PARD3B: variants seen among roughly 807,000 people sequenced by gnomAD.
PARD3B encodes the protein par-3 family cell polarity regulator beta, also known as partitioning defective 3 homolog B.
In PARD3B, 103 loss-of-function variants were observed where a neutral mutation model predicts 130.2. That is an observed-to-expected ratio of 0.79 (90% CI 0.67 to 0.93). The LOEUF is 0.93. Among genes scored for constraint, PARD3B ranks in the 40% least tolerant of loss-of-function variants. The pLI, the probability that PARD3B is intolerant of heterozygous loss-of-function variation, is 0.00. For missense variants in PARD3B, 1,609 were observed against 1,499.2 expected (o/e 1.07, Z -1.21); for synonymous variants, 583 against 553.2 (o/e 1.05, Z -0.76).
Position 204,646,706 on chromosome 2 carries a change from G to A in PARD3B, c.121-39475G>A, listed in dbSNP as rs530207342. On this transcript the variant is annotated intron_variant, in intron 1 of 22. Transcript: ENST00000406610. ...ATGAGAATAGTTTTGCAAGTTAGTT[G>A]TGCCAGTTCATATTTCTATTATCAG... is the stretch of plus-strand genomic sequence containing the variant. Among the ~76,000 whole-genome samples the A allele has an allele frequency of 2.2e-4, 33 of 152,040 alleles. 3 individuals are homozygous for A. In the South Asian group the frequency reaches 6.8e-3, roughly 32 times the overall value.
At chr2:205,488,291 G>A (rs2049526812) in intron 20 of PARD3B, among the ~76,000 whole-genome samples, 1 of 151,974 alleles carries the variant, frequency 6.6e-6, no homozygotes, top group African/African-American at 2.4e-5. Flanking sequence ...GGGAACACAG[G>A]GCCAGGCACT....
intron 2 of PARD3B, among the ~76,000 whole-genome samples, chr2:204,750,733 G>A (rs986199485): frequency 2.0e-5 from 3 of 151,956 alleles, no homozygotes; most frequent in Non-Finnish European, 2.9e-5. Context: ...TTTTTCTAAA[G>A]GCAGATAAAT....
rs539768189 is a variant in PARD3B at position 204,755,088 on chromosome 2, A to T, written c.222+68806A>T. Reference sequence around the variant, plus strand: ...ACGCAAAAAATGGACTGATTTCTCAAAAATGATTACATGGCAAAAATAGAA... The same window carrying T: ...ACGCAAAAAATGGACTGATTTCTCATAAATGATTACATGGCAAAAATAGAA... On this transcript the variant is annotated intron_variant, in intron 2 of 22. Coordinates refer to ENST00000406610, the MANE Select transcript of PARD3B (RefSeq NM_001302769.2). Among the ~76,000 whole-genome samples, 3 of 152,282 alleles carry T rather than the reference A, an allele frequency of 2.0e-5. No homozygotes were observed. The East Asian group carries it at 5.8e-4, about 29-fold the overall frequency.
At chr2:204,627,985 G>GT (rs3051373) in intron 1 of PARD3B, among the ~76,000 whole-genome samples, 3,269 of 143,386 alleles carry the variant, frequency 0.023, 118 homozygotes, top group African/African-American at 0.08. Context: ...GTTTTTTTGC[G>GT]TTTTTTTTTT....
chr2:204,641,060 AGTATTATATATT>A (rs2035061188), intron 1 of PARD3B, among the ~76,000 whole-genome samples: 1 of 147,956 alleles, frequency 6.8e-6, no homozygotes, highest in African/African-American at 2.4e-5. Context: ...TATATTATAT[AGTATTATATATT>A]GTATATTACT....
At chr2:205,150,398 C>T (rs141209254) in intron 10 of PARD3B, among the ~76,000 whole-genome samples, 230 of 152,084 alleles carry the variant, frequency 1.5e-3, no homozygotes, top group African/African-American at 5.4e-3. Flanking sequence ...GTACTTTATA[C>T]CCATTTCCAT....
intron 2 of PARD3B, among the ~76,000 whole-genome samples, chr2:204,897,153 G>T (rs1559237852): frequency 6.6e-6 from 1 of 151,906 alleles, no homozygotes; most frequent in Non-Finnish European, 1.5e-5. Context: ...TTATAATTTA[G>T]CTATTAAATC....
At chr2:205,166,766 T>C (rs10188100) in intron 11 of PARD3B, among the ~76,000 whole-genome samples, 25,959 of 152,080 alleles carry the variant, frequency 0.17, 2,353 homozygotes, top group Middle Eastern at 0.22. Flanking sequence ...CTGAATCAGG[T>C]GCCATCTTGC....
chr2:204,808,842 A>G (rs1302468065), intron 2 of PARD3B, among the ~76,000 whole-genome samples: 1 of 152,178 alleles, frequency 6.6e-6, no homozygotes, highest in Non-Finnish European at 1.5e-5. Flanking sequence ...CTATGAGTAT[A>G]TACCCAGTAA....
chr2:204,871,355 A>G (rs991957009), intron 2 of PARD3B, among the ~76,000 whole-genome samples: 29 of 152,244 alleles, frequency 1.9e-4, no homozygotes, highest in African/African-American at 6.5e-4. Flanking sequence ...AATACTAATC[A>G]TGTCATATTT....
At chr2:204,746,990 C>T (rs1199673202) in intron 2 of PARD3B, among the ~76,000 whole-genome samples, 1 of 152,120 alleles carries the variant, frequency 6.6e-6, no homozygotes, top group Admixed American at 6.5e-5. Flanking sequence ...AATTAGATCC[C>T]ATTTGTCAAT....
intron 14 of PARD3B, among the ~76,000 whole-genome samples, chr2:205,191,046 G>T (rs2125800242): frequency 7.5e-6 from 1 of 132,862 alleles, no homozygotes; most frequent in South Asian, 2.5e-4. Context: ...CGTGTATTGA[G>T]AATGTACCCA....
In PARD3B at chr2:205,300,607, G is replaced by A; in HGVS notation, c.2263G>A (p.Ala755Thr). The change falls in exon 17 of 23, where the codon GCC (alanine) becomes ACC (threonine). Residue 755 changes from alanine to threonine, a missense_variant. Physicochemically the swap from Ala to Thr is moderately conservative, Grantham distance 58. Transcript: ENST00000406610. This position sits in a 1 kb window ranked among gnomAD's most constrained non-coding sequence, Gnocchi z 4.1. Reference protein sequence around the residue: ...SSLESLQTAVAEVRKNDLPFH... With the variant: ...SSLESLQTAVTEVRKNDLPFH... ...CTTGGAGAGTCTGCAGACTGCAGTG[G>A]CCGAGGTCAGGAAGAATGACCTTCC... The A allele has an allele frequency of 6.2e-7, 1 of 1,613,928 alleles. No individual in the cohort carries two copies. Among genetic ancestry groups the A allele is most frequent in the Non-Finnish European group, 8.5e-7 (1 of 1,180,014 alleles).
Position 204,675,926 on chromosome 2 carries a change from ACAAC to A in PARD3B, c.121-10254_121-10251del, listed in dbSNP as rs774335442. The stretch of plus-strand genomic sequence containing the variant: ...GTTTAGAATTATACATCAGAAGAAA[ACAAC>A]TATTAATACCTTTTCTATGGCTTAA... On this transcript the variant is annotated intron_variant, in intron 1 of 22. Coordinates refer to ENST00000406610, the MANE Select transcript of PARD3B (RefSeq NM_001302769.2). The surrounding 1 kb of genome is among the most constrained non-coding windows in gnomAD (Gnocchi z 4.4). Among the ~76,000 whole-genome samples, 2 of 152,088 alleles carry A rather than the reference ACAAC, an allele frequency of 1.3e-5. No homozygotes were observed. Among genetic ancestry groups the A allele is most frequent in the Non-Finnish European group, 2.9e-5 (2 of 68,026 alleles).
intron 2 of PARD3B, among the ~76,000 whole-genome samples, chr2:204,847,135 A>G (rs926611836): frequency 2.6e-5 from 4 of 151,886 alleles, no homozygotes; most frequent in Admixed American, 2.6e-4. Context: ...TTCTTGAGGA[A>G]AATGTATAAC....
At chr2:205,459,880 A>G (rs943220711) in intron 20 of PARD3B, among the ~76,000 whole-genome samples, 1 of 152,134 alleles carries the variant, frequency 6.6e-6, no homozygotes, top group African/African-American at 2.4e-5. Context: ...GTTTTCCTGA[A>G]TGTTTGCCAC....
At chr2:205,586,096 T>C (rs1045960360) in intron 22 of PARD3B, among the ~76,000 whole-genome samples, 2 of 152,234 alleles carry the variant, frequency 1.3e-5, no homozygotes, top group African/African-American at 4.8e-5. Flanking sequence ...AGTAAGTTCA[T>C]GATTTACCCA....
At chr2:205,150,635 T>C (rs1351792536) in intron 10 of PARD3B, among the ~76,000 whole-genome samples, 3 of 152,180 alleles carry the variant, frequency 2.0e-5, no homozygotes, top group African/African-American at 7.2e-5. Context: ...TTAAGCCTGG[T>C]ACAGCATAAG....
chr2:204,573,537 G>C (rs1477332582), intron 1 of PARD3B, among the ~76,000 whole-genome samples: 1 of 151,962 alleles, frequency 6.6e-6, no homozygotes, highest in Non-Finnish European at 1.5e-5. Flanking sequence ...TCCTTTTTTT[G>C]TGGATGTGTC....
Sources: gnomAD v4.1 joint callset for allele counts (sites outside exome capture counted in the v4.1 genomes callset) on GRCh38, gnomAD v4.1.1 for gene constraint, Gnocchi (gnomAD v3.1) non-coding constraint, MANE v1.5 for transcripts, NCBI Gene and HGNC (gene_info 2026-07-23, HGNC 2026-07-21) for gene names.